Variants in MACF1 observed in about 807,000 individuals in gnomAD.
MACF1 encodes the protein microtubule-actin cross-linking factor 1.
A neutral mutation model predicts 854.8 loss-of-function variants in MACF1; 193 were observed. That is an observed-to-expected ratio of 0.23 (90% CI 0.20 to 0.25). The LOEUF (loss-of-function observed/expected upper bound fraction) is 0.25, where lower values mean the gene tolerates loss of function less well. Among genes scored for constraint, MACF1 ranks in the 10% least tolerant of loss-of-function variants. The pLI is 1.00. For synonymous variants in MACF1, 3,185 were observed against 3,226.7 expected, an observed-to-expected ratio of 0.99 and a Z score of 0.44; for missense variants, 7,722 against 8,929.1, an observed-to-expected ratio of 0.86 and a Z score of 5.45.
intron 2 of MACF1, among the ~76,000 whole-genome samples, chr1:39,092,768 G>GT (rs1641837153): frequency 7.2e-6 from 1 of 138,008 alleles, no homozygotes; most frequent in Non-Finnish European, 1.5e-5. Context: ...CACAGTTCCT[G>GT]TTTTTTCTTT....
chr1:39,286,262 C>T (rs1645639011), intron 14 of MACF1, among the ~76,000 whole-genome samples: 1 of 152,042 alleles, frequency 6.6e-6, no homozygotes, highest in Admixed American at 6.5e-5. Flanking sequence ...GATCCTCCTG[C>T]CTCAGCCTCC....
intron 52 of MACF1, 63 bp from the exon 53 acceptor site, chr1:39,378,398 G>A: frequency 8.4e-7 from 1 of 1,183,928 alleles, no homozygotes; most frequent in Non-Finnish European, 1.3e-6. Context: ...GACAAATTCA[G>A]TGCCTATATG....
chr1:39,339,738 TAGAACC>T (rs1646894522), intron 38 of MACF1, among the ~76,000 whole-genome samples: 2 of 152,272 alleles, frequency 1.3e-5, no homozygotes, highest in South Asian at 4.1e-4. Context: ...TGATAACTGA[TAGAACC>T]AGTCCCCTAA....
intron 15 of MACF1, among the ~76,000 whole-genome samples, 168 bp from the exon 16 acceptor site, chr1:39,291,742 T>C (rs1645794679): frequency 6.6e-6 from 1 of 152,154 alleles, no homozygotes; most frequent in Non-Finnish European, 1.5e-5. Context: ...TTCTTAGCGG[T>C]GATGATGGCG....
chr1:39,214,972 A>G (rs576770723), intron 1 of MACF1, among the ~76,000 whole-genome samples: 26 of 152,204 alleles, frequency 1.7e-4, no homozygotes, highest in Non-Finnish European at 2.9e-4. Context: ...TGCTCTGCAA[A>G]TGGAGGGTAA....
intron 58 of MACF1, among the ~76,000 whole-genome samples, chr1:39,403,477 A>G (rs1234846835): frequency 6.6e-6 from 1 of 152,122 alleles, no homozygotes; most frequent in Non-Finnish European, 1.5e-5. Context: ...GTCGTTTTTT[A>G]GTATTTCACA....
chr1:39,165,239 A>G (rs1464511655), intron 2 of MACF1, among the ~76,000 whole-genome samples: 2 of 152,124 alleles, frequency 1.3e-5, no homozygotes, highest in Admixed American at 1.3e-4. Context: ...CCTTAAGCAA[A>G]GCTGTCATAA....
In MACF1 at chr1:39,435,603, C is replaced by T. The variant is rs774259230; in HGVS notation, c.17830C>T (p.Leu5944=). 1.2e-6 allele frequency: 2 copies of T among 1,614,098 alleles called. No homozygotes were observed. The highest frequency in any genetic ancestry group is 1.7e-5 in the Admixed American group (1 of 60,022). The change falls in exon 70 of 101, where the codon CTA becomes TTA. Residue 5944 remains leucine (L), a synonymous_variant. Coordinates refer to ENST00000564288, the MANE Select transcript of MACF1 (RefSeq NM_001394062.1). The part of the protein sequence containing the change: ...IAEHKPHIDK[L]LKIGPQLKEL... The stretch of plus-strand genomic sequence containing the variant: ...TGAACACAAACCTCATATTGACAAA[C>T]TACTAAAGATAGGCCCACAACTAAA...
chr1:39,371,105 G>A (rs951793789), intron 51 of MACF1, among the ~76,000 whole-genome samples: 1 of 152,044 alleles, frequency 6.6e-6, no homozygotes, highest in Non-Finnish European at 1.5e-5. Flanking sequence ...TGGATCACAA[G>A]GTCGGGAGTT....
intron 40 of MACF1, among the ~76,000 whole-genome samples, chr1:39,344,938 C>T (rs1015140522): frequency 6.6e-6 from 1 of 152,136 alleles, no homozygotes; most frequent in African/African-American, 2.4e-5. Context: ...TGACCGTCAC[C>T]TGATGGTCAC....
At chr1:39,184,351 TG>T (rs1644140837) in intron 2 of MACF1, among the ~76,000 whole-genome samples, 1 of 152,190 alleles carries the variant, frequency 6.6e-6, no homozygotes, top group Non-Finnish European at 1.5e-5. Context: ...ATGGTCATAC[TG>T]GCTGGTTTGA....
intron 58 of MACF1, among the ~76,000 whole-genome samples, chr1:39,397,243 A>G (rs960619309): frequency 6.6e-6 from 1 of 152,094 alleles, no homozygotes; most frequent in Non-Finnish European, 1.5e-5. Flanking sequence ...ACTCGAAACT[A>G]TTGTAAGTCA....
At chr1:39,085,588 T>G (rs1290864844) in intron 2 of MACF1, among the ~76,000 whole-genome samples, 3 of 152,188 alleles carry the variant, frequency 2.0e-5, no homozygotes, top group Non-Finnish European at 4.4e-5. Context: ...TAGAGTATTT[T>G]TTTCTAAAAT....
rs1426363076 is a variant in MACF1, at chr1:39,387,279, C to A, written c.14437C>A (p.Gln4813Lys). Residue 4813 changes from glutamine to lysine, a missense_variant, in exon 58 of 101, where the codon CAA becomes AAA. By Grantham distance (53) the Gln-to-Lys change is moderately conservative (BLOSUM62 1). This residue lies in a region of MACF1 where 2,807 missense variants were observed against 3,235.8 expected (regional missense o/e 0.87). Coordinates refer to ENST00000564288, the MANE Select transcript of MACF1 (RefSeq NM_001394062.1). ...DELRTWLDDK[Q>K]SQQAKNCPIS... Reference sequence around the variant, plus strand: ...GTTGAGGACCTGGTTGGATGATAAACAAAGCCAGCAAGCAAAAAACTGCCC... The same window carrying A: ...GTTGAGGACCTGGTTGGATGATAAAAAAAGCCAGCAAGCAAAAAACTGCCC... 1 of 1,614,068 alleles carries A rather than the reference C, an allele frequency of 6.2e-7. No homozygotes were observed. The highest frequency in any genetic ancestry group is 1.3e-5 in the African/African-American group (1 of 74,904).
intron 2 of MACF1, among the ~76,000 whole-genome samples, chr1:39,150,811 A>G (rs1221070678): frequency 6.6e-6 from 1 of 152,086 alleles, no homozygotes; most frequent in East Asian, 1.9e-4. Context: ...ACCTTTTGTG[A>G]TTTTATCCTC....
At chr1:39,287,028 T>C (rs962960757) in intron 14 of MACF1, among the ~76,000 whole-genome samples, 17 of 151,790 alleles carry the variant, frequency 1.1e-4, no homozygotes, top group African/African-American at 4.1e-4. Context: ...TGGTGTGATC[T>C]CGGCTCACTG....
At chr1:39,336,752 G>A in intron 37 of MACF1, 99 bp downstream of exon 37, 1 of 1,082,652 alleles carries the variant, frequency 9.2e-7, no homozygotes, top group Non-Finnish European at 1.3e-6. Context: ...GTAATTGTAT[G>A]CCTCTATACA....
intron 1 of MACF1, among the ~76,000 whole-genome samples, chr1:39,230,201 T>C (rs1644762021): frequency 6.6e-6 from 1 of 152,170 alleles, no homozygotes. Flanking sequence ...AGGCCCAAAA[T>C]GTGGCAGTGT....
At chr1:39,255,580 C>A (rs998726863) in intron 5 of MACF1, among the ~76,000 whole-genome samples, 6 of 152,222 alleles carry the variant, frequency 3.9e-5, no homozygotes, top group African/African-American at 1.2e-4. Flanking sequence ...TAACAATTTA[C>A]TTCTGGTATA....
Sources: allele counts gnomAD v4.1 joint callset (sites outside exome capture counted in the v4.1 genomes callset), GRCh38; gene constraint gnomAD v4.1.1; regional missense constraint gnomAD v4.1.1; transcripts MANE v1.5; gene names NCBI Gene and HGNC (gene_info 2026-07-23, HGNC 2026-07-21).